The following KIF13A variants were observed in gnomAD, a reference collection of about 807,000 sequenced individuals.
KIF13A encodes kinesin family member 13A, also known as kinesin-like protein KIF13A.
In KIF13A, 79 loss-of-function variants were observed where a neutral mutation model predicts 212.2. That is an observed-to-expected ratio of 0.37 (90% CI 0.31 to 0.45). KIF13A has a LOEUF of 0.45. Among genes scored for constraint, KIF13A ranks in the 20% least tolerant of loss-of-function variants. The pLI is 1.00. For missense variants in KIF13A, 1,901 were observed against 2,209.0 expected (o/e 0.86, Z 2.79); for synonymous variants, 789 against 808.6 (o/e 0.98, Z 0.41).
rs1261626864 is a variant in KIF13A, at chr6:17,898,849, C to A, written c.147-669G>T. On this transcript the variant is annotated intron_variant, in intron 2 of 38. Coordinates refer to ENST00000259711, the MANE Select transcript of KIF13A (RefSeq NM_022113.6). This position sits in a 1 kb window ranked among gnomAD's most constrained non-coding sequence, Gnocchi z 5.2. ...AGGAAATAGTTTTCTTTCTTTTTTT[C>A]TCCAGAGATGGGGTCTCACTTGGTT... 6.6e-6 allele frequency among the ~76,000 whole-genome samples: 1 copy of A among 151,928 alleles called. No individual in the cohort carries two copies. The highest frequency in any genetic ancestry group is 1.5e-5 in the Non-Finnish European group (1 of 67,966).
At chr6:17,928,049 C>T (rs373622764) in intron 2 of KIF13A, among the ~76,000 whole-genome samples, 2 of 152,118 alleles carry the variant, frequency 1.3e-5, no homozygotes, top group African/African-American at 2.4e-5. Context: ...ACACAGGCTG[C>T]GAGAAAATGC....
chr6:17,837,205 G>T lies in KIF13A; in HGVS notation c.943-115C>A. 1 of 938,258 alleles carries T rather than the reference G, an allele frequency of 1.1e-6. No individual in the cohort carries two copies. The highest frequency in any genetic ancestry group is 1.6e-6 in the Non-Finnish European group (1 of 607,244). The allele number at this position is 938,258 out of a possible 1,614,324, so 58.1% of individuals were successfully genotyped here. ...TTCTCTATGAAGGAAACATTATGTG[G>T]AAATGGACTTGCATTTCACAAATAA... On this transcript the variant is annotated intron_variant, in intron 10 of 38. Coordinates refer to ENST00000259711, the MANE Select transcript of KIF13A (RefSeq NM_022113.6). This position sits in a 1 kb window ranked among gnomAD's most constrained non-coding sequence, Gnocchi z 5.4.
In KIF13A at chr6:17,764,801, A is replaced by C; in HGVS notation, c.4727T>G (p.Leu1576Arg). ...TTTCTCCAAGACCCGTGAGTTTGAC[A>C]GATCTACTTTAGAGGAAAACCATTC... is the stretch of plus-strand genomic sequence containing the variant. ...NREWFSSKVD[L>R]SNSRVLEKEV... The change falls in exon 39 of 39, where the codon CTG (leucine) becomes CGG (arginine). Residue 1576 changes from leucine to arginine, a missense_variant. Physicochemically the swap from Leu to Arg is moderately radical, Grantham distance 102. Transcript: ENST00000259711. The surrounding 1 kb of genome is among the most constrained non-coding windows in gnomAD (Gnocchi z 5.1). 1 of 1,613,442 alleles carries C rather than the reference A, an allele frequency of 6.2e-7. No individual in the cohort carries two copies.
At position 17,811,907 on chromosome 6, in the gene KIF13A, G is replaced by C. The variant is rs1763463508; in HGVS notation, c.2001-2977C>G. ...CCTGTGTTGCCCAGGCTGCAGTGCA[G>C]TGGCTATTCAGAGGCATGATCACAG... On this transcript the variant is annotated intron_variant, in intron 17 of 38. Coordinates refer to ENST00000259711, the MANE Select transcript of KIF13A (RefSeq NM_022113.6). This position sits in a 1 kb window ranked among gnomAD's most constrained non-coding sequence, Gnocchi z 6.0. 1 of 151,576 alleles carries C rather than the reference G, an allele frequency of 6.6e-6. No homozygotes were observed. Among genetic ancestry groups the C allele is most frequent in the Non-Finnish European group, 1.5e-5 (1 of 68,004 alleles). The allele number at this position is 151,576 out of a possible 1,614,324, so 9.4% of individuals were successfully genotyped here. A position where few individuals can be genotyped will look rare whatever the true frequency, so the allele number is the denominator to read the frequency against.
At position 17,764,271 on chromosome 6, in the gene KIF13A, A is replaced by T; in HGVS notation, c.5257T>A (p.Ser1753Thr). Reference sequence around the variant, plus strand: ...CTACTGGAAAGCTCTCCAGCAGAAGAATCTGTCAAACCATCAAAATCTTTT... The same window carrying T: ...CTACTGGAAAGCTCTCCAGCAGAAGTATCTGTCAAACCATCAAAATCTTTT... ...EGKDFDGLTD[S>T]SAGELSSRRS... The change falls in exon 39 of 39, where the codon TCT becomes ACT. Residue 1753 changes from serine to threonine, a missense_variant. By Grantham distance (58) the Ser-to-Thr change is moderately conservative. Transcript: ENST00000259711. This position sits in a 1 kb window ranked among gnomAD's most constrained non-coding sequence, Gnocchi z 5.1. The T allele has an allele frequency of 6.2e-7, 1 of 1,613,972 alleles. No individual in the cohort carries two copies. Among genetic ancestry groups the T allele is most frequent in the Non-Finnish European group, 8.5e-7 (1 of 1,179,882 alleles).
intron 22 of KIF13A, 136 bp from the exon 23 acceptor site, chr6:17,796,956 T>C (rs1337205430): frequency 1.7e-5 from 8 of 469,122 alleles, no homozygotes; most frequent in South Asian, 1.0e-4. Flanking sequence ...TTCTGTTTTA[T>C]AGAAAACCAT....
chr6:17,915,952 AATAAAAAT>A lies in KIF13A; in HGVS notation c.147-17780_147-17773del, dbSNP rs1774468618. ...AGCCAGTCTCAAAAAAAAAAATAAA[AATAAAAAT>A]AAAATAAAATAAAATAAATTACAGT... On this transcript the variant is annotated intron_variant, in intron 2 of 38. Transcript: ENST00000259711. The surrounding 1 kb of genome is among the most constrained non-coding windows in gnomAD (Gnocchi z 4.4). Among the ~76,000 whole-genome samples, 1 of 131,132 alleles carries A rather than the reference AATAAAAAT, an allele frequency of 7.6e-6. No homozygotes were observed. Among genetic ancestry groups the A allele is most frequent in the South Asian group, 2.6e-4 (1 of 3,796 alleles). 86.0% of individuals were successfully genotyped at this position (131,132 alleles called of 152,430 possible).
At chr6:17,983,690 G>A (rs1781305039) in intron 2 of KIF13A, among the ~76,000 whole-genome samples, 2 of 151,986 alleles carry the variant, frequency 1.3e-5, no homozygotes, top group African/African-American at 2.4e-5. Flanking sequence ...GTTTCATCGT[G>A]TTGGCCAGGG....
downstream of KIF13A, among the ~76,000 whole-genome samples, chr6:17,762,009 C>A (rs1269100357): frequency 6.6e-6 from 1 of 151,990 alleles, no homozygotes; most frequent in Non-Finnish European, 1.5e-5. Flanking sequence ...CTGTATAAAG[C>A]AAAATCTTAG....
In KIF13A at chr6:17,850,290, C is replaced by T; in HGVS notation, c.717+33G>A. ...TATGGACACTTTCAGTTCTTCCACC[C>T]CCACTCCAAAAAGGTTCTGCCTAAT... On this transcript the variant is annotated intron_variant, in intron 8 of 38. Coordinates refer to ENST00000259711, the MANE Select transcript of KIF13A (RefSeq NM_022113.6). The surrounding 1 kb of genome is among the most constrained non-coding windows in gnomAD (Gnocchi z 6.2). 2 of 1,576,180 alleles carry T rather than the reference C, an allele frequency of 1.3e-6. No individual in the cohort carries two copies. The highest frequency in any genetic ancestry group is 2.3e-5 in the East Asian group (1 of 44,138).
intron 4 of KIF13A, among the ~76,000 whole-genome samples, chr6:17,862,749 C>A (rs1340478335): frequency 1.3e-5 from 2 of 152,076 alleles, no homozygotes; most frequent in Admixed American, 6.6e-5. Flanking sequence ...GAGATTGAGA[C>A]CAACCTGGCT....
chr6:17,905,968 C>T (rs1357209945), intron 2 of KIF13A, among the ~76,000 whole-genome samples: 1 of 152,086 alleles, frequency 6.6e-6, no homozygotes, highest in Admixed American at 6.6e-5. Flanking sequence ...TCTAACATTA[C>T]CTACATTGAA....
chr6:17,795,402 G>C (rs1000171677), intron 23 of KIF13A, among the ~76,000 whole-genome samples: 1 of 149,898 alleles, frequency 6.7e-6, no homozygotes, highest in African/African-American at 2.5e-5. Context: ...GGCCAACATG[G>C]TGAAACCCTG....
rs551244712 is a variant in KIF13A, at chr6:17,799,595, C to T, written c.2617-156G>A. 6.6e-6 allele frequency among the ~76,000 whole-genome samples: 1 copy of T among 152,116 alleles called. No homozygotes were observed. Among genetic ancestry groups the T allele is most frequent in the Admixed American group, 6.5e-5 (1 of 15,270 alleles). On this transcript the variant is annotated intron_variant, in intron 21 of 38. Transcript: ENST00000259711. This position sits in a 1 kb window ranked among gnomAD's most constrained non-coding sequence, Gnocchi z 4.4. ...GACACCGTGACACTAAGGGTTGTAT[C>T]GATAATGAAATCTGTACCACAGTTC...
At position 17,963,149 on chromosome 6, in the gene KIF13A, G is replaced by T. The variant is rs575053041; in HGVS notation, c.146+23905C>A. 7.9e-5 allele frequency among the ~76,000 whole-genome samples: 12 copies of T among 152,234 alleles called. No individual in the cohort carries two copies. The highest frequency in any genetic ancestry group is 1.6e-4 in the Non-Finnish European group (11 of 68,048). On this transcript the variant is annotated intron_variant, in intron 2 of 38. Transcript: ENST00000259711. The surrounding 1 kb of genome is among the most constrained non-coding windows in gnomAD (Gnocchi z 4.1). ...TGTCATGTGAAAGGCTGGGTGCGGT[G>T]GCTCATGCCTGTAATCCCAGCACTT... is the stretch of plus-strand genomic sequence containing the variant.
At chr6:17,935,929 T>C (rs1341462770) in intron 2 of KIF13A, among the ~76,000 whole-genome samples, 9 of 152,222 alleles carry the variant, frequency 5.9e-5, no homozygotes, top group African/African-American at 4.8e-5. Flanking sequence ...CTTTAAACTA[T>C]AGCTCCTTTC....
chr6:17,974,333 C>A (rs1002845802), intron 2 of KIF13A, among the ~76,000 whole-genome samples: 16 of 152,196 alleles, frequency 1.1e-4, no homozygotes, highest in Non-Finnish European at 2.2e-4. Context: ...CCACCTCGGC[C>A]TCCCAAAGTG....
At position 17,773,005 on chromosome 6, in the gene KIF13A, T is replaced by C. The variant is rs1433824331; in HGVS notation, c.4324+473A>G. Among the ~76,000 whole-genome samples the C allele has an allele frequency of 1.3e-5, 2 of 152,230 alleles. No individual in the cohort carries two copies. The highest frequency in any genetic ancestry group is 2.1e-4 in the South Asian group (1 of 4,838). On this transcript the variant is annotated intron_variant, in intron 36 of 38. Coordinates refer to ENST00000259711, the MANE Select transcript of KIF13A (RefSeq NM_022113.6). The surrounding 1 kb of genome is among the most constrained non-coding windows in gnomAD (Gnocchi z 4.2). Reference sequence around the variant, plus strand: ...CGATATATATGGCCAAAGAATACTGTTCCCATTAAGGCACTGGTAGACTGT... The same window carrying C: ...CGATATATATGGCCAAAGAATACTGCTCCCATTAAGGCACTGGTAGACTGT...
intron 34 of KIF13A, 25 bp from the exon 35 acceptor site, chr6:17,775,087 A>G (rs778020660): frequency 1.3e-6 from 2 of 1,593,496 alleles, no homozygotes; most frequent in South Asian, 2.3e-5. Flanking sequence ...TGGTTTTAGC[A>G]ATGTGGTTTA....
Sources: gnomAD v4.1 joint callset for allele counts (sites outside exome capture counted in the v4.1 genomes callset) on GRCh38, gnomAD v4.1.1 for gene constraint, Gnocchi (gnomAD v3.1) non-coding constraint, MANE v1.5 for transcripts, NCBI Gene and HGNC (gene_info 2026-07-23, HGNC 2026-07-21) for gene names.